HDAC9: variants seen among roughly 807,000 people sequenced by gnomAD.
HDAC9 encodes the protein MEF-2 interacting transcription repressor (MITR) protein.
In HDAC9, 41 loss-of-function variants were observed where a neutral mutation model predicts 139.4. That is an observed-to-expected ratio of 0.29 (90% CI 0.23 to 0.38). HDAC9 has a LOEUF of 0.38. Among genes scored for constraint, HDAC9 ranks in the 10% least tolerant of loss-of-function variants. The pLI is 1.00. For missense variants in HDAC9, 1,147 were observed against 1,297.0 expected (o/e 0.88, Z 1.78); for synonymous variants, 517 against 476.2 (o/e 1.09, Z -1.12).
At chr7:18,580,437 G>T (rs1054467168) in intron 2 of HDAC9, among the ~76,000 whole-genome samples, 1 of 152,080 alleles carries the variant, frequency 6.6e-6, no homozygotes, top group Non-Finnish European at 1.5e-5. Flanking sequence ...CTGGGCATTT[G>T]GAACATAATA....
chr7:18,097,937 G>A (rs189461528), intron 1 of HDAC9, among the ~76,000 whole-genome samples: 2 of 152,236 alleles, frequency 1.3e-5, no homozygotes, highest in East Asian at 1.9e-4. Flanking sequence ...CATATTTGAT[G>A]TTGTGTACTA....
chr7:18,225,707 G>A (rs1793009650), intron 2 of HDAC9, among the ~76,000 whole-genome samples: 1 of 152,026 alleles, frequency 6.6e-6, no homozygotes, highest in Non-Finnish European at 1.5e-5. Flanking sequence ...AAAATTCACT[G>A]ACAGGTTTTT....
At position 18,455,049 on chromosome 7, in the gene HDAC9, T is replaced by A. The variant is rs1299524645; in HGVS notation, c.-41-41213T>A. Among the ~76,000 whole-genome samples, 3 of 152,120 alleles carry A rather than the reference T, an allele frequency of 2.0e-5. No individual in the cohort carries two copies. The East Asian group carries it at 5.8e-4, about 29-fold the overall frequency. ...AGCTGCCTTTGGTCTTGATTTTTTC[T>A]TTCTTTTTTCTTTTTGAAAACTGAA... On this transcript the variant is annotated intron_variant, in intron 1 of 3. Coordinates refer to the HDAC9 transcript ENST00000413509.
At chr7:18,849,146 C>A (rs1410427935) in intron 21 of HDAC9, among the ~76,000 whole-genome samples, 1 of 152,108 alleles carries the variant, frequency 6.6e-6, no homozygotes, top group Admixed American at 6.6e-5. Flanking sequence ...CACATCTGCC[C>A]CTAAGATTCT....
intron 1 of HDAC9, among the ~76,000 whole-genome samples, chr7:18,356,215 C>G (rs1363351102): frequency 6.6e-6 from 1 of 152,034 alleles, no homozygotes; most frequent in East Asian, 1.9e-4. Context: ...TAATTTACTT[C>G]TCTAATTTGA....
intron 2 of HDAC9, among the ~76,000 whole-genome samples, chr7:18,528,891 T>C (rs1807850544): frequency 6.6e-6 from 1 of 152,176 alleles, no homozygotes; most frequent in Non-Finnish European, 1.5e-5. Flanking sequence ...TTTGGAATTA[T>C]ACCTATTTAC....
At chr7:18,971,715 G>C (rs532472563) in intron 24 of HDAC9, among the ~76,000 whole-genome samples, 2 of 152,284 alleles carry the variant, frequency 1.3e-5, no homozygotes, top group African/African-American at 4.8e-5. Context: ...TTTGCCAGAG[G>C]CCAAATATAA....
chr7:18,785,569 TA>T (rs1258721910), intron 16 of HDAC9, among the ~76,000 whole-genome samples: 2 of 152,112 alleles, frequency 1.3e-5, no homozygotes, highest in African/African-American at 4.8e-5. Flanking sequence ...ACATTTGATT[TA>T]AAAAAAATAT....
At chr7:18,966,204 C>T (rs1448076818) in intron 24 of HDAC9, among the ~76,000 whole-genome samples, 1 of 152,214 alleles carries the variant, frequency 6.6e-6, no homozygotes, top group African/African-American at 2.4e-5. Flanking sequence ...TAACCCATCT[C>T]TCTTTTCCTG....
At chr7:18,230,667 A>G (rs762116601) in intron 2 of HDAC9, among the ~76,000 whole-genome samples, 17 of 152,174 alleles carry the variant, frequency 1.1e-4, no homozygotes, top group Non-Finnish European at 2.2e-4. Flanking sequence ...TTTATATGCA[A>G]TGTTAATGGG....
At chr7:18,461,980 G>A (rs921637984) in intron 1 of HDAC9, among the ~76,000 whole-genome samples, 15 of 152,032 alleles carry the variant, frequency 9.9e-5, no homozygotes, top group African/African-American at 3.6e-4. Flanking sequence ...TGGAGAAACT[G>A]AGCAGTGTGG....
chr7:18,096,125 C>CA (rs1340809965), intron 1 of HDAC9, among the ~76,000 whole-genome samples: 1 of 152,174 alleles, frequency 6.6e-6, no homozygotes, highest in East Asian at 1.9e-4. Context: ...AATTCTAAAT[C>CA]AAATCTGTAA....
intron 2 of HDAC9, among the ~76,000 whole-genome samples, chr7:18,510,552 A>G (rs1211121253): frequency 6.6e-6 from 1 of 152,262 alleles, no homozygotes; most frequent in South Asian, 2.1e-4. Flanking sequence ...AATAATATCA[A>G]TTGGAAATAA....
At chr7:18,326,044 G>A (rs897396600) in intron 1 of HDAC9, among the ~76,000 whole-genome samples, 11 of 152,020 alleles carry the variant, frequency 7.2e-5, no homozygotes, top group African/African-American at 2.7e-4. Flanking sequence ...CATTCTGCTG[G>A]GTTTTGTTCT....
intron 17 of HDAC9, among the ~76,000 whole-genome samples, chr7:18,795,276 A>G (rs1034576430): frequency 9.3e-5 from 14 of 150,392 alleles, no homozygotes; most frequent in East Asian, 3.9e-4. Flanking sequence ...AAAAAAAAAA[A>G]AAAAAAAAAG....
intron 17 of HDAC9, among the ~76,000 whole-genome samples, chr7:18,804,856 G>A (rs747840704): frequency 8.5e-5 from 13 of 152,248 alleles, no homozygotes; most frequent in East Asian, 1.9e-4. Flanking sequence ...GTGCAGGGGC[G>A]TAATCTCTGC....
rs202099755 is a variant in HDAC9, at chr7:18,577,725, CA to C, written c.23-7554del. On this transcript the variant is annotated intron_variant, in intron 2 of 25. Transcript: ENST00000686413. Reference sequence around the variant, plus strand: ...AGTTGATAAAGAAGGAAGACATGGGCAAGAAACATAGTGTAAAAGGCAGGAA... The same window carrying C: ...AGTTGATAAAGAAGGAAGACATGGGCAGAAACATAGTGTAAAAGGCAGGAA... 4.8e-3 allele frequency among the ~76,000 whole-genome samples: 731 copies of C among 152,034 alleles called. 3 individuals carry two copies. Among genetic ancestry groups the C allele is most frequent in the African/African-American group, 0.017 (690 of 41,444 alleles).
At chr7:18,097,707 A>G (rs1207958315) in intron 1 of HDAC9, among the ~76,000 whole-genome samples, 5 of 152,104 alleles carry the variant, frequency 3.3e-5, no homozygotes, top group Non-Finnish European at 7.3e-5. Flanking sequence ...AGCTGGGACT[A>G]CAGGCATATA....
At chr7:18,679,975 A>G (rs1462698089) in intron 12 of HDAC9, among the ~76,000 whole-genome samples, 1 of 151,870 alleles carries the variant, frequency 6.6e-6, no homozygotes, top group Non-Finnish European at 1.5e-5. Context: ...TTAGTTTTCC[A>G]CCACAGTGCT....
Sources: gnomAD v4.1 joint callset for allele counts (sites outside exome capture counted in the v4.1 genomes callset) on GRCh38, gnomAD v4.1.1 for gene constraint, MANE v1.5 for transcripts, NCBI Gene and HGNC (gene_info 2026-07-23, HGNC 2026-07-21) for gene names.